The following PRR16 variants were observed in gnomAD, a reference collection of about 807,000 sequenced individuals.
The protein encoded by PRR16 is protein Largen.
Under a neutral mutation model 18.2 loss-of-function variants are expected in PRR16, and 6 were observed. The observed-to-expected ratio is 0.33, with a 90% CI of 0.18 to 0.65. PRR16 has a LOEUF of 0.65. Among genes scored for constraint, PRR16 ranks in the 30% least tolerant of loss-of-function variants. The pLI is 0.74. For synonymous variants in PRR16, 151 were observed against 147.8 expected (o/e 1.02, Z -0.16); for missense variants, 412 against 376.6 (o/e 1.09, Z -0.78).
At chr5:120,604,927 G>T (rs1318931346) in intron 1 of PRR16, among the ~76,000 whole-genome samples, 2 of 152,084 alleles carry the variant, frequency 1.3e-5, no homozygotes, top group African/African-American at 4.8e-5. Context: ...CATTACCTTT[G>T]TATATAACCT....
intron 1 of PRR16, among the ~76,000 whole-genome samples, chr5:120,668,852 G>C (rs1756490708): frequency 6.6e-6 from 1 of 152,084 alleles, no homozygotes; most frequent in South Asian, 2.1e-4. Flanking sequence ...TTCCCTTTGT[G>C]GGTAACCCGA....
intron 1 of PRR16, among the ~76,000 whole-genome samples, chr5:120,576,034 G>C (rs975125222): frequency 1.3e-4 from 20 of 152,068 alleles, no homozygotes; most frequent in Non-Finnish European, 2.5e-4. Flanking sequence ...ATTCAAAGTG[G>C]ATTAAAGACT....
At chr5:120,748,708 G>A in the PRR16 span, among the ~76,000 whole-genome samples, 1 of 152,200 alleles carries the variant, frequency 6.6e-6, no homozygotes. Flanking sequence ...TAGGTAACAT[G>A]TCAGGCAGAT....
At chr5:120,474,837 C>G (rs1449889644) in intron 1 of PRR16, among the ~76,000 whole-genome samples, 3 of 152,122 alleles carry the variant, frequency 2.0e-5, no homozygotes, top group Non-Finnish European at 4.4e-5. Flanking sequence ...ATGAAGGGAG[C>G]AGTTGAGGCT....
chr5:120,708,027 C>G, the PRR16 span, among the ~76,000 whole-genome samples: 2 of 152,164 alleles, frequency 1.3e-5, no homozygotes, highest in African/African-American at 4.8e-5. Flanking sequence ...TTTCTCTGTA[C>G]AGGATCAGTG....
At chr5:120,774,565 C>G in the PRR16 span, among the ~76,000 whole-genome samples, 1 of 152,098 alleles carries the variant, frequency 6.6e-6, no homozygotes, top group South Asian at 2.1e-4. Context: ...GTCTCTGTTT[C>G]TCAACCCCAA....
At chr5:120,758,974 C>CTTTTT in the PRR16 span, among the ~76,000 whole-genome samples, 19 of 110,344 alleles carry the variant, frequency 1.7e-4, no homozygotes, top group Admixed American at 3.5e-4. Flanking sequence ...ACCATAATTT[C>CTTTTT]TTTTTTTTTT....
At position 120,686,436 on chromosome 5, in the gene PRR16, T is replaced by C. The variant is rs1315459597; in HGVS notation, c.642T>C (p.His214=). 1 of 1,614,092 alleles carries C rather than the reference T, an allele frequency of 6.2e-7. No homozygotes were observed. Among genetic ancestry groups the C allele is most frequent in the Non-Finnish European group, 8.5e-7 (1 of 1,180,008 alleles). The change falls in exon 2 of 2, where the codon CAT becomes CAC. Residue 214 remains histidine, a synonymous_variant. Transcript: ENST00000407149. ...GGTTTAATGAAAAAGTACAGTACCA[T>C]GGCTATTGTCCTGACTGTGATACCC... ...RVRFNEKVQY[H]GYCPDCDTRY... is the part of the protein sequence containing the mutation.
chr5:120,575,036 T>C (rs1176163829), intron 1 of PRR16, among the ~76,000 whole-genome samples: 1 of 149,610 alleles, frequency 6.7e-6, no homozygotes, highest in Non-Finnish European at 1.5e-5. Context: ...TTCATATAAC[T>C]TTTATTATAG....
intron 1 of PRR16, among the ~76,000 whole-genome samples, chr5:120,654,472 A>G (rs1213731303): frequency 6.6e-6 from 1 of 151,082 alleles, no homozygotes; most frequent in East Asian, 1.9e-4. Flanking sequence ...TGCCACAAAA[A>G]GTGTCTTTTT....
chr5:120,657,700 T>C (rs1756030155), intron 1 of PRR16, among the ~76,000 whole-genome samples: 1 of 151,902 alleles, frequency 6.6e-6, no homozygotes, highest in Admixed American at 6.6e-5. Flanking sequence ...CCTTTAATTA[T>C]GTATGCTCTT....
intron 1 of PRR16, among the ~76,000 whole-genome samples, chr5:120,657,362 C>T (rs12657360): frequency 0.74 from 111,675 of 151,696 alleles, 41,499 homozygotes; most frequent in East Asian, 0.89. Context: ...TGAGCCAGCT[C>T]ATAGGGGGCT....
At position 120,505,914 on chromosome 5, in the gene PRR16, G is replaced by A. The variant is rs1034362976; in HGVS notation, c.159+41269G>A. ...TAATATGTATATATATACATACATA[G>A]GGATGATATATATGTGTGTATGTGT... On this transcript the variant is annotated intron_variant, in intron 1 of 1. Transcript: ENST00000407149. Among the ~76,000 whole-genome samples, 7 of 148,528 alleles carry A rather than the reference G, an allele frequency of 4.7e-5. No homozygotes were observed. In the South Asian group the frequency reaches 1.1e-3, roughly 23 times the overall value.
At chr5:120,633,633 A>G (rs1755131610) in intron 1 of PRR16, among the ~76,000 whole-genome samples, 1 of 152,182 alleles carries the variant, frequency 6.6e-6, no homozygotes, top group African/African-American at 2.4e-5. Context: ...AAAGAGGGAC[A>G]TTATATAATG....
At chr5:120,780,941 T>C in the PRR16 span, among the ~76,000 whole-genome samples, 1 of 152,040 alleles carries the variant, frequency 6.6e-6, no homozygotes, top group Non-Finnish European at 1.5e-5. Flanking sequence ...TCCCAGCTAC[T>C]TGGGAGGCTG....
chr5:120,628,695 C>CATCT (rs10590670), intron 1 of PRR16, among the ~76,000 whole-genome samples: 6,344 of 144,618 alleles, frequency 0.044, 168 homozygotes, highest in Middle Eastern at 0.073. Flanking sequence ...ATCATTCTAC[C>CATCT]ATCTATCTAT....
At chr5:120,691,874 C>G (rs920501772), downstream of PRR16, among the ~76,000 whole-genome samples, 2 of 152,322 alleles carry the variant, frequency 1.3e-5, no homozygotes, top group Admixed American at 6.5e-5. Flanking sequence ...ATTCTAAACA[C>G]TCTTCGAAGG....
At chr5:120,527,662 G>A (rs115710476) in intron 1 of PRR16, among the ~76,000 whole-genome samples, 46 of 152,328 alleles carry the variant, frequency 3.0e-4, no homozygotes, top group Non-Finnish European at 5.7e-4. Flanking sequence ...ATTTCTAAAA[G>A]AAGGTTCTTG....
At chr5:120,650,613 A>G (rs1416517422) in intron 1 of PRR16, among the ~76,000 whole-genome samples, 1 of 151,986 alleles carries the variant, frequency 6.6e-6, no homozygotes, top group African/African-American at 2.4e-5. Context: ...TTTGCTGAGA[A>G]TGATGATTTC....
Sources: allele counts gnomAD v4.1 joint callset (sites outside exome capture counted in the v4.1 genomes callset), GRCh38; gene constraint gnomAD v4.1.1; transcripts MANE v1.5; gene names NCBI Gene and HGNC (gene_info 2026-07-23, HGNC 2026-07-21).